Variants in ATP6V1A observed in about 807,000 individuals in gnomAD.
The protein encoded by ATP6V1A is ATPase H+ transporting V1 subunit A.
In ATP6V1A, 18 loss-of-function variants were observed where a neutral mutation model predicts 70.1. That is an observed-to-expected ratio of 0.26 (90% CI 0.18 to 0.38). The LOEUF (loss-of-function observed/expected upper bound fraction) is 0.38, where lower values mean the gene tolerates loss of function less well. ATP6V1A is among the 10% of genes least tolerant of loss of function. The pLI, the probability that ATP6V1A is intolerant of heterozygous loss-of-function variation, is 1.00. For missense variants in ATP6V1A, 424 were observed against 772.4 expected (o/e 0.55, Z 5.35); for synonymous variants, 232 against 253.8 (o/e 0.91, Z 0.82).
intron 14 of ATP6V1A, 91 bp from the exon 15 acceptor site, chr3:113,809,244 G>C (rs1269179069): frequency 1.9e-6 from 2 of 1,068,294 alleles, no homozygotes; most frequent in Admixed American, 4.6e-5. Context: ...GACAGAGCAA[G>C]ACTCTGCCTC....
rs768827133 is a variant in ATP6V1A, at chr3:113,809,421, A to G, written c.1848A>G (p.Glu616=). The part of the protein sequence containing the change: ...EDMQNAFRSL[E]D ...TGCAGAATGCATTCCGTAGCCTTGAAGATTAGAAGCCTTGAAGATTACAAC... is the reference window on the plus strand; with the variant it reads ...TGCAGAATGCATTCCGTAGCCTTGAGGATTAGAAGCCTTGAAGATTACAAC... Residue 616 remains glutamate (E), a synonymous_variant, in exon 15 of 15, where the codon GAA becomes GAG. Coordinates refer to ENST00000273398, the MANE Select transcript of ATP6V1A (RefSeq NM_001690.4). The G allele has an allele frequency of 6.2e-7, 1 of 1,612,956 alleles. No homozygotes were observed. The highest frequency in any genetic ancestry group is 1.7e-5 in the Admixed American group (1 of 59,970).
Position 113,803,638 on chromosome 3 carries a change from A to T in ATP6V1A, c.1550A>T (p.Asp517Val). Residue 517 changes from aspartate to valine, a missense_variant, in exon 13 of 15, where the codon GAT becomes GTT. By Grantham distance (152) the Asp-to-Val change is radical. Transcript: ENST00000273398. ...CTGGAGGTAGCAAAACTTATCAAAG[A>T]TGATTTCCTACAACAAAATGGATAT... The part of the protein sequence containing the change: ...ITLEVAKLIK[D>V]DFLQQNGYTP... The T allele has an allele frequency of 6.2e-7, 1 of 1,611,996 alleles. No homozygotes were observed. The highest frequency in any genetic ancestry group is 8.5e-7 in the Non-Finnish European group (1 of 1,178,378).
chr3:113,785,068 T>C (rs1161288160), intron 5 of ATP6V1A, among the ~76,000 whole-genome samples: 1 of 152,266 alleles, frequency 6.6e-6, no homozygotes, highest in Non-Finnish European at 1.5e-5. Flanking sequence ...TATTAACTGA[T>C]GCTACATTTA....
intron 1 of ATP6V1A, among the ~76,000 whole-genome samples, chr3:113,752,543 A>C (rs761492562): frequency 6.6e-6 from 1 of 152,032 alleles, no homozygotes; most frequent in Admixed American, 6.5e-5. Flanking sequence ...GCACCTAAAT[A>C]ATTCTTTCAT....
chr3:113,788,220 A>T (rs911493340), intron 6 of ATP6V1A, among the ~76,000 whole-genome samples: 1 of 151,960 alleles, frequency 6.6e-6, no homozygotes, highest in Non-Finnish European at 1.5e-5. Context: ...GCCTTATTTT[A>T]TCTTATTCTT....
At chr3:113,755,015 G>A (rs1312700434) in intron 1 of ATP6V1A, among the ~76,000 whole-genome samples, 2 of 151,764 alleles carry the variant, frequency 1.3e-5, no homozygotes, top group African/African-American at 4.8e-5. Context: ...TTTATTAATT[G>A]CATATATGTG....
chr3:113,775,666 A>T (rs1246650473), intron 1 of ATP6V1A, among the ~76,000 whole-genome samples: 1 of 152,194 alleles, frequency 6.6e-6, no homozygotes, highest in Non-Finnish European at 1.5e-5. Flanking sequence ...TATTGGTAGG[A>T]CCAGGATGTG....
At chr3:113,761,288 A>G (rs559911529) in intron 1 of ATP6V1A, among the ~76,000 whole-genome samples, 19 of 151,830 alleles carry the variant, frequency 1.3e-4, no homozygotes, top group Non-Finnish European at 2.5e-4. Flanking sequence ...AACACTGTTG[A>G]TGCTGTCTCT....
intron 12 of ATP6V1A, among the ~76,000 whole-genome samples, chr3:113,799,709 T>C (rs1324352987): frequency 6.6e-6 from 1 of 152,200 alleles, no homozygotes; most frequent in African/African-American, 2.4e-5. Flanking sequence ...TGGGGTGTTA[T>C]GATTCAAGAT....
Position 113,781,242 on chromosome 3 carries a change from G to A in ATP6V1A, c.211+64G>A, listed in dbSNP as rs1708973620. On this transcript the variant is annotated intron_variant, in intron 3 of 14. Transcript: ENST00000273398. ...TTCAAAATTTAAGGATTTAGGCCAGGCATAGTGCCTCACACAAAGTAATCC... is the reference window on the plus strand; with the variant it reads ...TTCAAAATTTAAGGATTTAGGCCAGACATAGTGCCTCACACAAAGTAATCC... 5 of 1,518,174 alleles carry A rather than the reference G, an allele frequency of 3.3e-6. No individual in the cohort carries two copies. In the African/African-American group the frequency reaches 5.6e-5, roughly 17 times the overall value. 94.0% of individuals were successfully genotyped at this position (1,518,174 alleles called of 1,614,324 possible). A position where few individuals can be genotyped will look rare whatever the true frequency, so the allele number is the denominator to read the frequency against.
rs760831747 is a variant in ATP6V1A, at chr3:113,795,184, G to A, written c.1206G>A (p.Gly402=). 37 of 1,614,020 alleles carry A rather than the reference G, an allele frequency of 2.3e-5. 1 individual carries two copies. In the South Asian group the frequency reaches 3.5e-4, roughly 15 times the overall value. ...VKCLGNPERE[G]SVSIVGAVSP... ...GTCTTGGAAATCCTGAAAGAGAAGG[G>A]AGTGTCAGCATTGTAGGAGCGTAAG... Residue 402 remains glycine, a synonymous_variant, in exon 10 of 15, where the codon GGG becomes GGA. Transcript: ENST00000273398.
intron 1 of ATP6V1A, among the ~76,000 whole-genome samples, chr3:113,754,822 A>G (rs987747031): frequency 4.6e-5 from 7 of 152,184 alleles, no homozygotes; most frequent in African/African-American, 1.7e-4. Flanking sequence ...TAAAGAAGCA[A>G]AATAAAAAGT....
intron 5 of ATP6V1A, among the ~76,000 whole-genome samples, chr3:113,785,903 C>T (rs1170188445): frequency 2.2e-5 from 3 of 136,696 alleles, no homozygotes; most frequent in Non-Finnish European, 4.6e-5. Flanking sequence ...TGGGGTGTCA[C>T]TATGTTGCCT....
At chr3:113,780,794 C>T (rs780571163) in intron 2 of ATP6V1A, 9 of 1,325,646 alleles carry the variant, frequency 6.8e-6, no homozygotes, top group Admixed American at 4.6e-5. Context: ...GTAAGTTTGC[C>T]ATGCAGAACT....
chr3:113,782,826 C>T (rs905514814), intron 3 of ATP6V1A, among the ~76,000 whole-genome samples: 5 of 151,476 alleles, frequency 3.3e-5, no homozygotes, highest in Admixed American at 2.0e-4. Context: ...GTTTCACCAT[C>T]TTGGCCAGGC....
intron 8 of ATP6V1A, among the ~76,000 whole-genome samples, chr3:113,790,132 G>T (rs774241628): frequency 6.6e-6 from 1 of 151,630 alleles, no homozygotes; most frequent in East Asian, 1.9e-4. Context: ...TTGGCTGGGC[G>T]TGGTGGCAGC....
chr3:113,794,705 A>G (rs554121685), intron 8 of ATP6V1A, among the ~76,000 whole-genome samples, 167 bp from the exon 9 acceptor site: 1 of 152,352 alleles, frequency 6.6e-6, no homozygotes, highest in African/African-American at 2.4e-5. Context: ...ACAGGATGCT[A>G]GGAAACAATT....
chr3:113,751,390 A>G (rs1041750279), intron 1 of ATP6V1A, among the ~76,000 whole-genome samples: 1 of 151,710 alleles, frequency 6.6e-6, no homozygotes, highest in African/African-American at 2.4e-5. Context: ...GAATCACTTT[A>G]TTCCTGAAAA....
intron 1 of ATP6V1A, among the ~76,000 whole-genome samples, chr3:113,771,194 C>G (rs1708836425): frequency 6.6e-6 from 1 of 151,964 alleles, no homozygotes; most frequent in African/African-American, 2.4e-5. Context: ...TTTTAAAAGC[C>G]TATTTTTCAC....
Sources: gnomAD v4.1 joint callset for allele counts (sites outside exome capture counted in the v4.1 genomes callset) on GRCh38, gnomAD v4.1.1 for gene constraint, MANE v1.5 for transcripts, NCBI Gene and HGNC (gene_info 2026-07-23, HGNC 2026-07-21) for gene names.